The following RECQL5 variants were observed in gnomAD, a reference collection of about 807,000 sequenced individuals.
RECQL5 encodes the protein RecQ like helicase 5.
A neutral mutation model predicts 103.4 loss-of-function variants in RECQL5; 88 were observed. The ratio of observed to expected loss-of-function variants is 0.85; its 90% CI spans 0.72 to 1.02. The LOEUF is 1.02. Among genes scored for constraint, RECQL5 ranks in the 50% least tolerant of loss-of-function variants. RECQL5 has a pLI of 0.00. For missense variants in RECQL5, 1,232 were observed against 1,284.3 expected (o/e 0.96, Z 0.62); for synonymous variants, 552 against 507.9 (o/e 1.09, Z -1.17).
intron 18 of RECQL5, 53 bp from the exon 19 acceptor site, chr17:75,627,745 C>G (rs376325567): frequency 4.0e-6 from 6 of 1,513,768 alleles, no homozygotes; most frequent in Admixed American, 3.9e-5. Context: ...GGTGGCCGGG[C>G]GCAGTGGCTC....
chr17:75,661,207 G>C, intron 5 of RECQL5, 141 bp from the exon 6 acceptor site: 1 of 683,494 alleles, frequency 1.5e-6, no homozygotes, highest in South Asian at 1.7e-5. Flanking sequence ...CTTAACATCA[G>C]GCGCTTAACT....
intron 8 of RECQL5, among the ~76,000 whole-genome samples, chr17:75,645,714 C>T (rs1167579795): frequency 6.6e-6 from 1 of 152,182 alleles, no homozygotes; most frequent in African/African-American, 2.4e-5. Context: ...CAGTGACGCC[C>T]ATGATAGTTA....
chr17:75,665,248 G>T, intron 2 of RECQL5, 76 bp from the exon 3 acceptor site: 2 of 1,406,410 alleles, frequency 1.4e-6, no homozygotes, highest in Non-Finnish European at 2.0e-6. Flanking sequence ...AAATGAGAAT[G>T]TAGGAAAAGC....
intron 8 of RECQL5, among the ~76,000 whole-genome samples, chr17:75,644,433 C>T (rs974201252): frequency 1.3e-5 from 2 of 151,818 alleles, no homozygotes; most frequent in Admixed American, 6.6e-5. Flanking sequence ...TGGGGAGACC[C>T]TGTCCCTACA....
At chr17:75,656,049 C>T (rs544612240) in intron 7 of RECQL5, among the ~76,000 whole-genome samples, 50 of 152,026 alleles carry the variant, frequency 3.3e-4, no homozygotes, top group Admixed American at 1.0e-3. Context: ...TCAACCCTGG[C>T]CATATATTCA....
intron 3 of RECQL5, among the ~76,000 whole-genome samples, chr17:75,664,765 T>A (rs1331593618): frequency 6.6e-6 from 1 of 151,302 alleles, no homozygotes; most frequent in Non-Finnish European, 1.5e-5. Context: ...ATACAAAAAT[T>A]AGCCGGGTAT....
At chr17:75,650,830 G>A in intron 8 of RECQL5, 1 of 1,493,988 alleles carries the variant, frequency 6.7e-7, no homozygotes, top group South Asian at 1.3e-5. Flanking sequence ...CTACTCAAGT[G>A]ATGCCAGAAG....
chr17:75,651,823 T>A (rs576798908), intron 7 of RECQL5, among the ~76,000 whole-genome samples: 4 of 152,286 alleles, frequency 2.6e-5, no homozygotes, highest in Admixed American at 2.6e-4. Context: ...CCTATTTTAA[T>A]AATAGTAAAT....
intron 8 of RECQL5, chr17:75,650,220 C>T: frequency 3.0e-6 from 3 of 990,058 alleles, no homozygotes; most frequent in Non-Finnish European, 3.6e-6. Flanking sequence ...GCACTGCAGC[C>T]GACCACTTTT....
chr17:75,653,792 G>C (rs1186257850), intron 7 of RECQL5, among the ~76,000 whole-genome samples: 7 of 152,094 alleles, frequency 4.6e-5, no homozygotes, highest in Non-Finnish European at 8.8e-5. Flanking sequence ...CAGTTACTTG[G>C]GGGGCTGAGG....
chr17:75,654,704 T>G (rs1449100304), intron 7 of RECQL5, among the ~76,000 whole-genome samples: 1 of 152,084 alleles, frequency 6.6e-6, no homozygotes, highest in Non-Finnish European at 1.5e-5. Flanking sequence ...ACTGCAGCCT[T>G]GAATTCCTAG....
chr17:75,629,624 T>C, intron 15 of RECQL5, 84 bp downstream of exon 15: 1 of 1,514,360 alleles, frequency 6.6e-7, no homozygotes. Flanking sequence ...AGCCAGGCCT[T>C]GGCAAGAGGT....
Position 75,665,070 on chromosome 17 carries a change from G to C in RECQL5, c.233C>G (p.Pro78Arg), listed in dbSNP as rs762396676. The C allele has an allele frequency of 6.2e-7, 1 of 1,606,356 alleles. No homozygotes were observed. Among genetic ancestry groups the C allele is most frequent in the African/African-American group, 1.3e-5 (1 of 74,296 alleles). Residue 78 changes from proline to arginine, a missense_variant, in exon 3 of 20, where the codon CCT becomes CGT. By Grantham distance (103) the Pro-to-Arg change is moderately radical. Coordinates refer to ENST00000317905, the MANE Select transcript of RECQL5 (RefSeq NM_004259.7). ...LAKGITIVVS[P>R]LIALIQDQVD... ...CCTCACCTGAATCAAAGCAATGAGA[G>C]GAGAGACTACAATGGTGATGCCTTT... is the stretch of plus-strand genomic sequence containing the variant.
chr17:75,652,585 C>T (rs952663363), intron 7 of RECQL5: 1 of 152,810 alleles, frequency 6.5e-6, no homozygotes, highest in Non-Finnish European at 1.5e-5. Context: ...AGGGAGCACC[C>T]TGAATGAGCG....
intron 7 of RECQL5, among the ~76,000 whole-genome samples, chr17:75,657,765 A>G (rs1186078220): frequency 6.6e-6 from 1 of 151,554 alleles, no homozygotes; most frequent in East Asian, 1.9e-4. Flanking sequence ...AAAAAAAAAA[A>G]AAAGGTGGGC....
intron 8 of RECQL5, among the ~76,000 whole-genome samples, chr17:75,648,281 A>G (rs138036363): frequency 9.9e-5 from 15 of 152,272 alleles, no homozygotes; most frequent in Non-Finnish European, 1.8e-4. Flanking sequence ...TGACTCCCTC[A>G]GGTAAATCTT....
chr17:75,655,517 C>T (rs1439415653), intron 7 of RECQL5, among the ~76,000 whole-genome samples: 8 of 152,104 alleles, frequency 5.3e-5, no homozygotes, highest in African/African-American at 1.2e-4. Flanking sequence ...GCGCCCGCCA[C>T]GACGCCCAGC....
At position 75,629,437 on chromosome 17, in the gene RECQL5, G is replaced by A; in HGVS notation, c.1986C>T (p.Gly662=). The A allele has an allele frequency of 6.6e-7, 1 of 1,505,652 alleles. No homozygotes were observed. The highest frequency in any genetic ancestry group is 8.9e-7 in the Non-Finnish European group (1 of 1,127,986). The allele number at this position is 1,505,652 out of a possible 1,614,324, so 93.3% of individuals were successfully genotyped here. A position where few individuals can be genotyped will look rare whatever the true frequency, so the allele number is the denominator to read the frequency against. Residue 662 remains glycine, a synonymous_variant, in exon 16 of 20, where the codon GGC becomes GGT. Transcript: ENST00000317905. ...PKRVGAGFPK[G]SCPFQTATEL... ...CCGTGGCCGTCTGGAACGGGCAGGA[G>A]CCTTTGGGGAAACCAGCTCCCACCC...
intron 3 of RECQL5, 146 bp downstream of exon 3, chr17:75,664,903 ACT>A (rs1229596441): frequency 5.0e-6 from 6 of 1,208,148 alleles, no homozygotes; most frequent in East Asian, 2.8e-5. Context: ...ACAGAGTAAG[ACT>A]CTGTCTCAAA....
Sources: gnomAD v4.1 joint callset for allele counts (sites outside exome capture counted in the v4.1 genomes callset) on GRCh38, gnomAD v4.1.1 for gene constraint, MANE v1.5 for transcripts, NCBI Gene and HGNC (gene_info 2026-07-23, HGNC 2026-07-21) for gene names.